Variants in TMED10 observed in about 807,000 individuals in gnomAD.
The protein encoded by TMED10 is transmembrane emp24 domain-containing protein 10.
A neutral mutation model predicts 23.1 loss-of-function variants in TMED10; 7 were observed. The observed-to-expected ratio is 0.30, with a 90% CI of 0.17 to 0.57. The LOEUF (loss-of-function observed/expected upper bound fraction) is 0.57, where lower values mean the gene tolerates loss of function less well. Among genes scored for constraint, TMED10 ranks in the 20% least tolerant of loss-of-function variants. The pLI is 0.91. For missense variants in TMED10, 162 were observed against 274.8 expected (o/e 0.59, Z 2.90); for synonymous variants, 113 against 106.9 (o/e 1.06, Z -0.35).
intron 1 of TMED10, among the ~76,000 whole-genome samples, chr14:75,175,313 C>T (rs952997331): frequency 6.6e-6 from 1 of 152,130 alleles, no homozygotes; most frequent in African/African-American, 2.4e-5. Context: ...AGAGCCAAGT[C>T]CAGATTCTGG....
chr14:75,144,549 A>T (rs1038199334), intron 3 of TMED10, among the ~76,000 whole-genome samples: 1 of 152,222 alleles, frequency 6.6e-6, no homozygotes, highest in Admixed American at 6.5e-5. Context: ...CAATTTAGGT[A>T]GGTAGTGTGG....
chr14:75,172,674 C>A (rs890670815), intron 1 of TMED10, among the ~76,000 whole-genome samples: 4 of 152,086 alleles, frequency 2.6e-5, no homozygotes, highest in Non-Finnish European at 4.4e-5. Flanking sequence ...TAAAGAGATG[C>A]ATGCTGAAGT....
intron 1 of TMED10, 25 bp downstream of exon 1, chr14:75,176,330 G>A (rs757206908): frequency 2.5e-6 from 4 of 1,612,676 alleles, no homozygotes; most frequent in Non-Finnish European, 2.5e-6. Context: ...CTTCCCTCCC[G>A]GCCCCACGTC....
chr14:75,146,908 C>T lies in TMED10; in HGVS notation c.411+756G>A, dbSNP rs940408835. Among the ~76,000 whole-genome samples, 8 of 149,484 alleles carry T rather than the reference C, an allele frequency of 5.4e-5. No individual in the cohort carries two copies. In the East Asian group the frequency reaches 5.9e-4, roughly 11 times the overall value. On this transcript the variant is annotated intron_variant, in intron 3 of 4. Coordinates refer to ENST00000303575, the MANE Select transcript of TMED10 (RefSeq NM_006827.6). ...ACTAAACAGCACTGAATCCATGCCC[C>T]AGATAGATAGATAGATAGATAGATA...
intron 3 of TMED10, 168 bp downstream of exon 3, chr14:75,147,496 G>T: frequency 1.3e-6 from 1 of 766,742 alleles, no homozygotes; most frequent in Non-Finnish European, 2.2e-6. Flanking sequence ...GCCCGGCTAA[G>T]GCTGTTAATA....
Position 75,158,408 on chromosome 14 carries a change from G to A in TMED10, c.226-6265C>T, listed in dbSNP as rs561796359. 2.6e-5 allele frequency among the ~76,000 whole-genome samples: 4 copies of A among 152,194 alleles called. No individual in the cohort carries two copies. In the East Asian group the frequency reaches 7.8e-4, roughly 30 times the overall value. ...AGCTGCACAATCACAGCTTACTGCA[G>A]CCTCAACCTCGTAGGCTCAAGCCAT... On this transcript the variant is annotated intron_variant, in intron 1 of 4. Coordinates refer to ENST00000303575, the MANE Select transcript of TMED10 (RefSeq NM_006827.6).
intron 3 of TMED10, among the ~76,000 whole-genome samples, chr14:75,143,264 AC>A (rs1335176529): frequency 6.6e-6 from 1 of 152,192 alleles, no homozygotes; most frequent in Admixed American, 6.5e-5. Context: ...TGGAAAAGCT[AC>A]AAGTTACAAA....
In TMED10 at chr14:75,165,456, G is replaced by A. The variant is rs1896148712; in HGVS notation, c.225+10899C>T. Among the ~76,000 whole-genome samples, 3 of 152,140 alleles carry A rather than the reference G, an allele frequency of 2.0e-5. No individual in the cohort carries two copies. The South Asian group carries it at 6.2e-4, about 32-fold the overall frequency. On this transcript the variant is annotated intron_variant, in intron 1 of 4. Coordinates refer to ENST00000303575, the MANE Select transcript of TMED10 (RefSeq NM_006827.6). ...TTGGCCAGGCTGGTCTCGAACTCCTGACCTTGTGATCCTCCCACCTCAGCC... is the reference window on the plus strand; with the variant it reads ...TTGGCCAGGCTGGTCTCGAACTCCTAACCTTGTGATCCTCCCACCTCAGCC...
At chr14:75,151,858 T>C (rs946868969) in intron 2 of TMED10, among the ~76,000 whole-genome samples, 174 bp downstream of exon 2, 2 of 152,224 alleles carry the variant, frequency 1.3e-5, no homozygotes, top group Admixed American at 6.5e-5. Flanking sequence ...ATTCAATCTT[T>C]TATTCCATGT....
At chr14:75,161,706 C>T (rs1205504408) in intron 1 of TMED10, among the ~76,000 whole-genome samples, 1 of 152,034 alleles carries the variant, frequency 6.6e-6, no homozygotes, top group Non-Finnish European at 1.5e-5. Flanking sequence ...TGCCCCTAAG[C>T]ACTACATTTC....
In TMED10 at chr14:75,152,141, G is replaced by A. The variant is rs201345210; in HGVS notation, c.228C>T (p.Ile76=). The change falls in exon 2 of 5, where the codon ATC becomes ATT. Residue 76 remains isoleucine, a splice_region_variant and synonymous_variant. Coordinates refer to ENST00000303575, the MANE Select transcript of TMED10 (RefSeq NM_006827.6). ...AGAGAATATGGCCAGCAGAATCTGT[G>A]ATCTAAAATAAGAAAAGTAGTAAGA... ...GAGGLRSHLK[I]TDSAGHILYS... is the part of the protein sequence containing the mutation. 93 of 1,612,556 alleles carry A rather than the reference G, an allele frequency of 5.8e-5. No individual in the cohort carries two copies. Among genetic ancestry groups the A allele is most frequent in the Non-Finnish European group, 7.0e-5 (82 of 1,179,164 alleles).
intron 1 of TMED10, among the ~76,000 whole-genome samples, chr14:75,152,715 G>A (rs911638974): frequency 3.2e-4 from 48 of 152,278 alleles, no homozygotes; most frequent in African/African-American, 1.1e-3. Context: ...GCCAGGTAGA[G>A]TGGGAACAAA....
At chr14:75,174,786 T>C (rs996767912) in intron 1 of TMED10, among the ~76,000 whole-genome samples, 11 of 152,072 alleles carry the variant, frequency 7.2e-5, no homozygotes, top group African/African-American at 2.7e-4. Flanking sequence ...CTTACGGCTG[T>C]AATCCCAGCA....
chr14:75,168,889 G>C (rs1346152693), intron 1 of TMED10, among the ~76,000 whole-genome samples: 1 of 152,214 alleles, frequency 6.6e-6, no homozygotes, highest in Admixed American at 6.5e-5. Context: ...TGGTACTACA[G>C]TATCTTTTCA....
chr14:75,155,256 G>A (rs1280725339), intron 1 of TMED10, among the ~76,000 whole-genome samples: 1 of 152,090 alleles, frequency 6.6e-6, no homozygotes, highest in African/African-American at 2.4e-5. Context: ...CACCACGCCC[G>A]GCCTAATTTA....
intron 1 of TMED10, among the ~76,000 whole-genome samples, chr14:75,160,267 C>G (rs1023810251): frequency 6.6e-6 from 1 of 152,010 alleles, no homozygotes; most frequent in Non-Finnish European, 1.5e-5. Flanking sequence ...AAAAACAAAA[C>G]AAAACAAAAA....
At chr14:75,147,445 T>C (rs2139840049) in intron 3 of TMED10, 1 of 575,006 alleles carries the variant, frequency 1.7e-6, no homozygotes, top group Non-Finnish European at 3.1e-6. Flanking sequence ...CCACCCGCCT[T>C]GGCCTCCCAA....
chr14:75,156,916 A>AAAAAAG (rs148563522), intron 1 of TMED10, among the ~76,000 whole-genome samples: 2 of 135,472 alleles, frequency 1.5e-5, no homozygotes, highest in Admixed American at 7.8e-5. Flanking sequence ...CCGTCTCAAA[A>AAAAAAG]AAAAGAAAAG....
At chr14:75,164,557 ATATATATATATATATATATATTTTTTT>A (rs1383281350) in intron 1 of TMED10, among the ~76,000 whole-genome samples, 10 of 14,854 alleles carry the variant, frequency 6.7e-4, no homozygotes, top group African/African-American at 3.0e-3. Flanking sequence ...ATATATATAT[ATATATATATATATATATATATTTTTTT>A]TTTTTTTTTT....
Sources: gnomAD v4.1 joint callset for allele counts (sites outside exome capture counted in the v4.1 genomes callset) on GRCh38, gnomAD v4.1.1 for gene constraint, MANE v1.5 for transcripts, NCBI Gene and HGNC (gene_info 2026-07-23, HGNC 2026-07-21) for gene names.